AGO4: variants seen among roughly 807,000 people sequenced by gnomAD.
AGO4 encodes the protein protein argonaute-4.
Under a neutral mutation model 104.7 loss-of-function variants are expected in AGO4, and 33 were observed. The observed-to-expected ratio is 0.32, with a 90% confidence interval of 0.24 to 0.42. The LOEUF (loss-of-function observed/expected upper bound fraction) is 0.42, where lower values mean the gene tolerates loss of function less well. AGO4 is among the 10% of genes least tolerant of loss of function. The probability of loss-of-function intolerance (pLI) is 1.00; values close to 1 mark genes in which losing one functional copy is unlikely to be tolerated. For missense variants in AGO4, 711 were observed against 1,083.4 expected (o/e 0.66, Z 4.83); for synonymous variants, 331 against 364.7 (o/e 0.91, Z 1.05).
intron 13 of AGO4, among the ~76,000 whole-genome samples, chr1:35,839,603 C>T (rs750344971): frequency 6.6e-6 from 1 of 151,908 alleles, no homozygotes; most frequent in Non-Finnish European, 1.5e-5. Flanking sequence ...GTGGCTGGTA[C>T]GTTGTATATG....
intron 1 of AGO4, among the ~76,000 whole-genome samples, chr1:35,809,423 A>G (rs1643426499): frequency 6.6e-6 from 1 of 152,162 alleles, no homozygotes; most frequent in African/African-American, 2.4e-5. Flanking sequence ...TCATCTTTTT[A>G]GTGCGTAGAA....
chr1:35,839,138 G>A (rs558055330), intron 13 of AGO4, among the ~76,000 whole-genome samples: 125 of 151,874 alleles, frequency 8.2e-4, no homozygotes, highest in Non-Finnish European at 1.5e-3. Context: ...GCACCACCAC[G>A]CCTGGCTTAT....
intron 15 of AGO4, among the ~76,000 whole-genome samples, chr1:35,842,390 T>C (rs1346005825): frequency 3.3e-5 from 5 of 152,230 alleles, no homozygotes; most frequent in African/African-American, 9.6e-5. Flanking sequence ...AGTTGAGGAC[T>C]GCTGGCATAG....
chr1:35,830,522 A>C (rs1456692095), intron 7 of AGO4, among the ~76,000 whole-genome samples: 1 of 152,210 alleles, frequency 6.6e-6, no homozygotes, highest in African/African-American at 2.4e-5. Flanking sequence ...CTGGTTCTGC[A>C]GTATCTTCTT....
rs540285161 is a variant in AGO4 at position 35,846,689 on chromosome 1, G to A, written c.2176-3468G>A. Among the ~76,000 whole-genome samples the A allele has an allele frequency of 2.2e-4, 33 of 151,370 alleles. No homozygotes were observed. The East Asian group carries it at 5.4e-3, about 25-fold the overall frequency. On this transcript the variant is annotated intron_variant, in intron 15 of 17. Coordinates refer to ENST00000373210, the MANE Select transcript of AGO4 (RefSeq NM_017629.4). Reference sequence around the variant, plus strand: ...GGTCTTCAGCTCCTGGACTCAAGTGGTCCTCCCACCTCAGCCTCCCAAAGT... The same window carrying A: ...GGTCTTCAGCTCCTGGACTCAAGTGATCCTCCCACCTCAGCCTCCCAAAGT...
At chr1:35,828,525 C>CTT (rs942302934) in intron 7 of AGO4, among the ~76,000 whole-genome samples, 1 of 146,556 alleles carries the variant, frequency 6.8e-6, no homozygotes. Flanking sequence ...CCCAACACTT[C>CTT]TTTTTTTTTT....
At chr1:35,814,574 C>G (rs531148556) in intron 1 of AGO4, among the ~76,000 whole-genome samples, 86 of 150,594 alleles carry the variant, frequency 5.7e-4, no homozygotes, top group Non-Finnish European at 1.0e-3. Context: ...AGTTTGCAAT[C>G]TAGTGAAGGA....
rs1305583949 is a variant in AGO4, at chr1:35,826,065, G to A, written c.760+5G>A. 1 of 1,613,662 alleles carries A rather than the reference G, an allele frequency of 6.2e-7. No homozygotes were observed. The highest frequency in any genetic ancestry group is 8.5e-7 in the Non-Finnish European group (1 of 1,179,978). On this transcript the variant is annotated splice_donor_5th_base_variant and intron_variant, in intron 6 of 17. Transcript: ENST00000373210. ...AATTTACCAAAGAAATCAGAGGTAA[G>A]TGTTTGCATTAATGTAGTCTTGGAG...
intron 1 of AGO4, among the ~76,000 whole-genome samples, chr1:35,816,027 C>T (rs1643682079): frequency 6.6e-6 from 1 of 152,126 alleles, no homozygotes; most frequent in Non-Finnish European, 1.5e-5. Flanking sequence ...TCAGATTGTC[C>T]AGGTTCTAAA....
At chr1:35,815,401 A>G (rs756532466) in intron 1 of AGO4, among the ~76,000 whole-genome samples, 4 of 152,162 alleles carry the variant, frequency 2.6e-5, no homozygotes, top group Non-Finnish European at 5.9e-5. Flanking sequence ...TGTCTCCCAG[A>G]CTGTGCTCCA....
chr1:35,826,016 C>T lies in AGO4; in HGVS notation c.716C>T (p.Pro239Leu). Residue 239 changes from proline to leucine, a missense_variant, in exon 6 of 18, where the codon CCT (proline) becomes CTT (leucine). This residue lies in a region of AGO4 where 308 missense variants were observed against 397.8 expected (regional missense o/e 0.77). Coordinates refer to ENST00000373210, the MANE Select transcript of AGO4 (RefSeq NM_017629.4). ...CAGAACATCAATGAACAGACCAAAC[C>T]TCTAACAGACTCCCAGCGTGTCAAA... Reference protein sequence around the residue: ...DIQNINEQTKPLTDSQRVKFT... With the variant: ...DIQNINEQTKLLTDSQRVKFT... 1 of 1,614,156 alleles carries T rather than the reference C, an allele frequency of 6.2e-7. No homozygotes were observed. The highest frequency in any genetic ancestry group is 8.5e-7 in the Non-Finnish European group (1 of 1,180,032).
intron 2 of AGO4, 151 bp from the exon 3 acceptor site, chr1:35,822,711 A>G: frequency 2.2e-6 from 2 of 927,194 alleles, no homozygotes; most frequent in South Asian, 1.9e-5. Flanking sequence ...TTAGTTAACT[A>G]TTTTTTAAAG....
intron 17 of AGO4, among the ~76,000 whole-genome samples, chr1:35,852,403 T>C (rs1007669498): frequency 6.6e-6 from 1 of 152,162 alleles, no homozygotes; most frequent in Non-Finnish European, 1.5e-5. Flanking sequence ...TATCCTTAAG[T>C]AGTATGTTTA....
chr1:35,843,249 T>G (rs561535767), intron 15 of AGO4, among the ~76,000 whole-genome samples: 33 of 152,136 alleles, frequency 2.2e-4, no homozygotes, highest in African/African-American at 7.5e-4. Flanking sequence ...TATATTTAGT[T>G]GAGACGGGGT....
intron 15 of AGO4, among the ~76,000 whole-genome samples, chr1:35,845,800 C>G (rs929584156): frequency 6.6e-6 from 1 of 152,176 alleles, no homozygotes; most frequent in Non-Finnish European, 1.5e-5. Flanking sequence ...AAACCCAAAT[C>G]GTAGTGGCTT....
rs1179775669 is a variant in AGO4, at chr1:35,834,077, T to G, written c.1467T>G (p.Gly489=). 1 of 1,612,516 alleles carries G rather than the reference T, an allele frequency of 6.2e-7. No individual in the cohort carries two copies. Among genetic ancestry groups the G allele is most frequent in the Non-Finnish European group, 8.5e-7 (1 of 1,179,386 alleles). The change falls in exon 12 of 18, where the codon GGT becomes GGG. Residue 489 remains glycine (G), a synonymous_variant. Transcript: ENST00000373210. ...GQPCFCKYAQ[G]ADSVEPMFKH... ...CATGTTTCTGCAAGTATGCACAAGG[T>G]GCAGACAGTGTGGAGCCTATGTTTA...
At position 35,817,027 on chromosome 1, in the gene AGO4, A is replaced by G. The variant is rs1643731271; in HGVS notation, c.165A>G (p.Lys55=). 18 of 1,610,270 alleles carry G rather than the reference A, an allele frequency of 1.1e-5. No homozygotes were observed. The highest frequency in any genetic ancestry group is 1.5e-5 in the Non-Finnish European group (18 of 1,177,910). ...ATGATGTGGATATTAAGCCTGAAAA[A>G]CGGCCTCGTAGAGTCAACAGGTAAG... is the stretch of plus-strand genomic sequence containing the variant. The part of the protein sequence containing the change: ...YHYDVDIKPE[K]RPRRVNREVV... Residue 55 remains lysine, a synonymous_variant, in exon 2 of 18, where the codon AAA becomes AAG. Coordinates refer to ENST00000373210, the MANE Select transcript of AGO4 (RefSeq NM_017629.4).
At chr1:35,815,463 G>A (rs1643661316) in intron 1 of AGO4, among the ~76,000 whole-genome samples, 2 of 152,250 alleles carry the variant, frequency 1.3e-5, no homozygotes, top group East Asian at 1.9e-4. Flanking sequence ...TAGAGAGAGA[G>A]AGAGAGTTCT....
At position 35,808,883 on chromosome 1, in the gene AGO4, C is replaced by T. The variant is rs1327663044; in HGVS notation, c.19+448C>T. 2.0e-5 allele frequency among the ~76,000 whole-genome samples: 3 copies of T among 152,190 alleles called. No homozygotes were observed. Among genetic ancestry groups the T allele is most frequent in the African/African-American group, 7.2e-5 (3 of 41,464 alleles). On this transcript the variant is annotated intron_variant, in intron 1 of 17. Coordinates refer to ENST00000373210, the MANE Select transcript of AGO4 (RefSeq NM_017629.4). This position sits in a 1 kb window ranked among gnomAD's most constrained non-coding sequence, Gnocchi z 5.2. ...GCGCCCCTATTTTTCTTTGCACTGG[C>T]AGATGGTCCAGAGCCTTCAGATGAG... is the stretch of plus-strand genomic sequence containing the variant.
Sources: allele counts gnomAD v4.1 joint callset (sites outside exome capture counted in the v4.1 genomes callset), GRCh38; gene constraint gnomAD v4.1.1; regional missense constraint gnomAD v4.1.1; non-coding constraint Gnocchi (gnomAD v3.1); transcripts MANE v1.5; gene names NCBI Gene and HGNC (gene_info 2026-07-23, HGNC 2026-07-21).